The following WDR90 variants were observed in gnomAD, a reference collection of about 807,000 sequenced individuals.
WDR90 encodes WD repeat domain 90, also known as WD repeat-containing protein 90.
In WDR90, 238 loss-of-function variants were observed where a neutral mutation model predicts 195.2. The observed-to-expected ratio is 1.22, with a 90% CI of 1.10 to 1.36. The LOEUF (loss-of-function observed/expected upper bound fraction) is 1.36, where lower values mean the gene tolerates loss of function less well. Among genes scored for constraint, WDR90 ranks in the 40% most tolerant of loss-of-function variants. The pLI is 0.00. For synonymous variants in WDR90, 1,265 were observed against 1,052.4 expected, an observed-to-expected ratio of 1.20 and a Z score of -3.91; for missense variants, 2,734 against 2,439.5, an observed-to-expected ratio of 1.12 and a Z score of -2.54.
rs528379959 is a variant in WDR90 at position 660,287 on chromosome 16, C to A, written c.3288+126C>A. The A allele has an allele frequency of 2.6e-5, 24 of 910,730 alleles. No homozygotes were observed. The South Asian group carries it at 4.1e-4, about 16-fold the overall frequency. 56.4% of individuals were successfully genotyped at this position (910,730 alleles called of 1,614,324 possible). ...GGTGATGGCTCTGGCCCTTGGGCGC[C>A]TGTCCCCTGGAGGCAACTTCATCCC... is the stretch of plus-strand genomic sequence containing the variant. On this transcript the variant is annotated intron_variant, in intron 27 of 40. Coordinates refer to ENST00000293879, the MANE Select transcript of WDR90 (RefSeq NM_145294.5).
chr16:658,940 TC>T lies in WDR90; in HGVS notation c.2942del (p.Pro981LeufsTer130). ...AACCCGTGCAGGCTGTGGCCTTCTCTCCTGACCAGCAGCAGGTCCTCAGCGC... is the reference window on the plus strand; with the variant it reads ...AACCCGTGCAGGCTGTGGCCTTCTCTCTGACCAGCAGCAGGTCCTCAGCGC... Reference protein sequence around the residue: ...SEPVQAVAFSPDQQQVLSAGD... With the variant: ...SEPVQAVAFSXDQQQVLSAGD... On this transcript the variant is annotated frameshift_variant, in exon 24 of 41. Transcript: ENST00000293879. LOFTEE classifies it high-confidence loss of function. 1.2e-6 allele frequency: 2 copies of T among 1,612,804 alleles called. No individual in the cohort carries two copies. Among genetic ancestry groups the T allele is most frequent in the Non-Finnish European group, 1.7e-6 (2 of 1,179,976 alleles).
Position 649,839 on chromosome 16 carries a change from C to T in WDR90, c.87C>T (p.Asp29=), listed in dbSNP as rs1280088522. The part of the protein sequence containing the change: ...DEWKRSAKQG[D]VAVVTDKTLK... Reference sequence around the variant, plus strand: ...GGAAGCGCTCCGCCAAGCAGGGGGACGTGGCCGTGGTCACGGTAGGCGGCC... The same window carrying T: ...GGAAGCGCTCCGCCAAGCAGGGGGATGTGGCCGTGGTCACGGTAGGCGGCC... The change falls in exon 2 of 41, where the codon GAC becomes GAT. Residue 29 remains aspartate, a synonymous_variant. Coordinates refer to ENST00000293879, the MANE Select transcript of WDR90 (RefSeq NM_145294.5). 3.8e-6 allele frequency: 6 copies of T among 1,581,778 alleles called. No homozygotes were observed. Among genetic ancestry groups the T allele is most frequent in the South Asian group, 1.1e-5 (1 of 87,920 alleles).
intron 34 of WDR90, chr16:663,299 C>T (rs534287817): frequency 1.2e-5 from 4 of 338,516 alleles, no homozygotes; most frequent in Non-Finnish European, 2.3e-5. Context: ...TTAGCCGGGC[C>T]TCTTGATGTA....
In WDR90 at chr16:665,952, C is replaced by A; in HGVS notation, c.4437C>A (p.Ser1479Arg). 6.3e-7 allele frequency: 1 copy of A among 1,583,404 alleles called. No individual in the cohort carries two copies. ...LVIQFQVLNQ[S>R]CLCLAWSPPC... ...GTTTCCCCACTGTGGGTCCCCAGAG[C>A]TGCCTCTGCCTGGCATGGAGCCCCC... The change falls in exon 36 of 41, where the codon AGC becomes AGA. Residue 1479 changes from serine to arginine, a missense_variant and splice_region_variant. Ser to Arg is a moderately radical substitution (Grantham distance 110). Transcript: ENST00000293879.
At chr16:661,240 C>T (rs1434798675) in intron 29 of WDR90, 68 bp downstream of exon 29, 20 of 1,521,072 alleles carry the variant, frequency 1.3e-5, no homozygotes, top group East Asian at 1.2e-4. Flanking sequence ...GCTCCCGGAC[C>T]GGTGCGGGTT....
intron 25 of WDR90, 40 bp from the exon 26 acceptor site, chr16:659,205 C>G: frequency 6.2e-7 from 1 of 1,610,518 alleles, no homozygotes; most frequent in Non-Finnish European, 8.5e-7. Flanking sequence ...GTGGCCCTTC[C>G]TCTTCCTTCC....
chr16:661,384 T>C lies in WDR90; in HGVS notation c.3556T>C (p.Cys1186Arg), dbSNP rs1228759254. 1 of 1,611,058 alleles carries C rather than the reference T, an allele frequency of 6.2e-7. No individual in the cohort carries two copies. Among genetic ancestry groups the C allele is most frequent in the Non-Finnish European group, 8.5e-7 (1 of 1,179,806 alleles). The stretch of plus-strand genomic sequence containing the variant: ...GGGCCGAAGCAGCACGACCGCCCAT[T>C]GTCAGATCCGCGTCTGGGACGTGTC... ...ASGRSSTTAH[C>R]QIRVWDVSGG... Residue 1186 changes from cysteine to arginine, a missense_variant, in exon 30 of 41, where the codon TGT becomes CGT. Transcript: ENST00000293879.
chr16:662,387 T>C lies in WDR90; in HGVS notation c.4145+56T>C, dbSNP rs1555463025. ...GCACGTGGGTGTTGGTGTCCCTGAC[T>C]GGGGCTTGCAGCCAGTGCCCCGCCC... On this transcript the variant is annotated intron_variant, in intron 33 of 40. Transcript: ENST00000293879. The C allele has an allele frequency of 5.9e-6, 9 of 1,530,244 alleles. No individual in the cohort carries two copies. The South Asian group carries it at 1.1e-4, about 18-fold the overall frequency. The allele number at this position is 1,530,244 out of a possible 1,614,324, so 94.8% of individuals were successfully genotyped here. A position where few individuals can be genotyped will look rare whatever the true frequency, so the allele number is the denominator to read the frequency against.
At chr16:654,199 ATT>A in intron 13 of WDR90, 2 of 214,032 alleles carry the variant, frequency 9.3e-6, no homozygotes, top group Admixed American at 5.7e-5. Flanking sequence ...CTTTTTAAAC[ATT>A]TTTTTTTTGA....
intron 20 of WDR90, 78 bp from the exon 21 acceptor site, chr16:657,684 G>A: frequency 1.4e-6 from 2 of 1,439,954 alleles, no homozygotes; most frequent in Non-Finnish European, 9.1e-7. Context: ...GGGGGCAGGG[G>A]CGGCGGCCTC....
In WDR90 at chr16:661,676, G is replaced by T. The variant is rs200356419; in HGVS notation, c.3753G>T (p.Pro1251=). 208 of 1,612,042 alleles carry T rather than the reference G, an allele frequency of 1.3e-4. No individual in the cohort carries two copies. Among genetic ancestry groups the T allele is most frequent in the Non-Finnish European group, 1.6e-4 (189 of 1,179,762 alleles). Residue 1251 remains proline, a synonymous_variant, in exon 31 of 41, where the codon CCG becomes CCT. Coordinates refer to ENST00000293879, the MANE Select transcript of WDR90 (RefSeq NM_145294.5). ...TGTCCTCCACCCGCCTCCCGGAGCC[G>T]GTGCATGGTGTGGCCTTCAACCCCT... The part of the protein sequence containing the change: ...DLVSSTRLPE[P]VHGVAFNPWD...
chr16:652,469 C>T lies in WDR90; in HGVS notation c.1056C>T (p.Gly352=). 1 of 1,606,046 alleles carries T rather than the reference C, an allele frequency of 6.2e-7. No individual in the cohort carries two copies. The highest frequency in any genetic ancestry group is 8.5e-7 in the Non-Finnish European group (1 of 1,175,670). ...VPVARTGSCE[G]FLPDPVLRLK... ...TTTGATGCGAATGGCTGTTTCAGGG[C>T]TTCCTCCCAGACCCAGTCCTGAGGC... Residue 352 remains glycine, a splice_region_variant and synonymous_variant, in exon 10 of 41, where the codon GGC becomes GGT. Coordinates refer to ENST00000293879, the MANE Select transcript of WDR90 (RefSeq NM_145294.5).
chr16:654,527 C>T (rs1458971228), intron 13 of WDR90: 2 of 154,694 alleles, frequency 1.3e-5, no homozygotes, highest in Non-Finnish European at 2.8e-5. Context: ...ACTACAGGCG[C>T]CTGCCAACAT....
In WDR90 at chr16:659,080, C is replaced by T. The variant is rs1158754457; in HGVS notation, c.3012-6C>T. On this transcript the variant is annotated splice_polypyrimidine_tract_variant and splice_region_variant and intron_variant, in intron 24 of 40. Coordinates refer to ENST00000293879, the MANE Select transcript of WDR90 (RefSeq NM_145294.5). The stretch of plus-strand genomic sequence containing the variant: ...CCTCCTGAAACCCTCTCTCCTCCCT[C>T]TCCAGCGACCAAAGCTTCCCCGGGG... 4 of 1,613,016 alleles carry T rather than the reference C, an allele frequency of 2.5e-6. No homozygotes were observed. Among genetic ancestry groups the T allele is most frequent in the Non-Finnish European group, 8.5e-7 (1 of 1,179,986 alleles).
Position 655,776 on chromosome 16 carries a change from C to A in WDR90, c.1853C>A (p.Pro618His). ...ACTGACGCCTCCCTGCCCCCAGGCCCCGGCATTGCCATCAGCAGCCTCAGC... is the reference window on the plus strand; with the variant it reads ...ACTGACGCCTCCCTGCCCCCAGGCCACGGCATTGCCATCAGCAGCCTCAGC... ...HPQKQTFSSGPGIAISSLSVS... is the reference protein window; with the variant it reads ...HPQKQTFSSGHGIAISSLSVS... The change falls in exon 17 of 41, where the codon CCC (proline) becomes CAC (histidine). Residue 618 changes from proline (P) to histidine (H), a missense_variant. Physicochemically the swap from Pro to His is moderately conservative, Grantham distance 77. Coordinates refer to ENST00000293879, the MANE Select transcript of WDR90 (RefSeq NM_145294.5). The A allele has an allele frequency of 6.3e-7, 1 of 1,587,150 alleles. No homozygotes were observed. The highest frequency in any genetic ancestry group is 8.6e-7 in the Non-Finnish European group (1 of 1,167,272).
intron 33 of WDR90, 31 bp from the exon 34 acceptor site, chr16:662,645 ATTG>A: frequency 6.6e-7 from 1 of 1,519,368 alleles, no homozygotes; most frequent in African/African-American, 1.4e-5. Context: ...CTTGAGACCC[ATTG>A]TTCTCTCCTT....
intron 13 of WDR90, 142 bp downstream of exon 13, chr16:653,945 A>G: frequency 9.5e-7 from 1 of 1,054,926 alleles, no homozygotes; most frequent in East Asian, 2.6e-5. Flanking sequence ...GGCTCCCTGC[A>G]CTCTGGTGTT....
Position 667,553 on chromosome 16 carries a change from C to CA in WDR90, c.5213dup (p.Asn1738LysfsTer53). 1 of 1,611,086 alleles carries CA rather than the reference C, an allele frequency of 6.2e-7. No homozygotes were observed. The highest frequency in any genetic ancestry group is 2.2e-5 in the East Asian group (1 of 44,888). ...CCAGGCTGCTCTTCACGGCCGCCCG[C>CA]AACGAGATCCTTGTGTGGGAGGTCC... On this transcript the variant is annotated frameshift_variant, in exon 41 of 41. Transcript: ENST00000293879. LOFTEE classifies it high-confidence loss of function.
chr16:667,421 T>A lies in WDR90; in HGVS notation c.5090-11T>A. On this transcript the variant is annotated splice_polypyrimidine_tract_variant and intron_variant, in intron 40 of 40. Transcript: ENST00000293879. ...TCCTGGCCCTGGCCCACCTGCACCG[T>A]CTACCCACAGAGTGCATGCTGAGGC... 1 of 1,590,362 alleles carries A rather than the reference T, an allele frequency of 6.3e-7. No homozygotes were observed.
Sources: allele counts gnomAD v4.1 joint callset, GRCh38; gene constraint gnomAD v4.1.1; transcripts MANE v1.5; gene names NCBI Gene and HGNC (gene_info 2026-07-23, HGNC 2026-07-21).